Variants in CLEC16A observed in about 807,000 individuals in gnomAD.
The protein encoded by CLEC16A is C-type lectin domain containing 16A.
A neutral mutation model predicts 109.5 loss-of-function variants in CLEC16A; 51 were observed. That is an observed-to-expected ratio of 0.47 (90% CI 0.37 to 0.59). The LOEUF (loss-of-function observed/expected upper bound fraction) is 0.59, where lower values mean the gene tolerates loss of function less well. Ranked by LOEUF, CLEC16A falls within the 20% of genes least tolerant of loss-of-function variation. The probability of loss-of-function intolerance (pLI) is 0.00; values close to 1 mark genes in which losing one functional copy is unlikely to be tolerated. For synonymous variants in CLEC16A, 673 were observed against 564.2 expected (o/e 1.19, Z -2.73); for missense variants, 1,339 against 1,394.0 (o/e 0.96, Z 0.63).
At chr16:11,153,383 C>T (rs1437367883) in intron 22 of CLEC16A, among the ~76,000 whole-genome samples, 2 of 151,952 alleles carry the variant, frequency 1.3e-5, no homozygotes, top group Non-Finnish European at 2.9e-5. Flanking sequence ...CCCTGGAGCA[C>T]TTGTGAGGAG....
At chr16:11,083,148 GTTGTTTGT>G (rs144974456) in intron 19 of CLEC16A, among the ~76,000 whole-genome samples, 135 of 147,544 alleles carry the variant, frequency 9.1e-4, no homozygotes, top group African/African-American at 2.7e-3. Context: ...TGTTGTTGTT[GTTGTTTGT>G]TTGTTTGTTT....
At chr16:11,157,357 C>A (rs2054572740) in intron 22 of CLEC16A, 1 of 462,024 alleles carries the variant, frequency 2.2e-6, no homozygotes, top group Non-Finnish European at 3.1e-6. Context: ...CTGGGCTGGA[C>A]AGGAAGTGGC....
intron 16 of CLEC16A, among the ~76,000 whole-genome samples, chr16:11,046,473 T>G (rs111297473): frequency 0.012 from 1,857 of 150,462 alleles, 48 homozygotes; most frequent in African/African-American, 0.042. Flanking sequence ...AAGTGTGGGG[T>G]GTGTGTGTGT....
At chr16:11,171,795 T>C (rs1441420619) in intron 23 of CLEC16A, among the ~76,000 whole-genome samples, 1 of 152,072 alleles carries the variant, frequency 6.6e-6, no homozygotes, top group Non-Finnish European at 1.5e-5. Flanking sequence ...CACATGCCAA[T>C]GCGCATGTTC....
intron 19 of CLEC16A, among the ~76,000 whole-genome samples, chr16:11,103,996 T>G (rs958406510): frequency 6.6e-6 from 1 of 152,122 alleles, no homozygotes; most frequent in East Asian, 1.9e-4. Context: ...CCAGAAGAGC[T>G]CCTTGAGGTC....
intron 2 of CLEC16A, 137 bp downstream of exon 2, chr16:10,958,047 C>G: frequency 2.9e-6 from 2 of 690,592 alleles, no homozygotes; most frequent in African/African-American, 2.0e-5. Flanking sequence ...CTCTGTCTAG[C>G]TGTAAAAAAA....
At chr16:11,077,844 C>T (rs768305878) in intron 19 of CLEC16A, among the ~76,000 whole-genome samples, 1 of 151,890 alleles carries the variant, frequency 6.6e-6, no homozygotes, top group East Asian at 1.9e-4. Context: ...TATGGCTAGG[C>T]GCGGTGGCTC....
intron 19 of CLEC16A, among the ~76,000 whole-genome samples, chr16:11,068,194 G>A (rs2048871039): frequency 6.6e-6 from 1 of 152,188 alleles, no homozygotes; most frequent in African/African-American, 2.4e-5. Context: ...TTGATCAAAT[G>A]AGAACAGCGA....
intron 13 of CLEC16A, among the ~76,000 whole-genome samples, chr16:11,031,027 A>G (rs143207612): frequency 1.3e-5 from 2 of 152,292 alleles, no homozygotes; most frequent in African/African-American, 4.8e-5. Flanking sequence ...GATGTTTTTT[A>G]ATCTCCATGA....
At position 11,039,931 on chromosome 16, in the gene CLEC16A, C is replaced by T. The variant is rs530955560; in HGVS notation, c.1660+55C>T. 3.8e-6 allele frequency: 6 copies of T among 1,580,644 alleles called. 1 individual carries two copies. In the South Asian group the frequency reaches 5.8e-5, roughly 15 times the overall value. On this transcript the variant is annotated intron_variant, in intron 14 of 23. Transcript: ENST00000409790. ...GGGCCACGCAGTTGTAGGAAGCAGA[C>T]CCCACTGGGAGCCTGAGCCCTGGGT...
chr16:10,960,910 C>T (rs1169194964), intron 2 of CLEC16A, among the ~76,000 whole-genome samples: 1 of 152,154 alleles, frequency 6.6e-6, no homozygotes, highest in Non-Finnish European at 1.5e-5. Flanking sequence ...TGCTCTCTTC[C>T]TTTTGTTTTT....
At chr16:11,157,305 C>A in intron 22 of CLEC16A, 6 of 1,055,936 alleles carry the variant, frequency 5.7e-6, no homozygotes, top group Non-Finnish European at 7.2e-6. Flanking sequence ...GGAGGCCATA[C>A]GAACATCCCT....
intron 20 of CLEC16A, among the ~76,000 whole-genome samples, chr16:11,122,058 A>C (rs2153028118): frequency 6.6e-6 from 1 of 151,068 alleles, no homozygotes; most frequent in Admixed American, 6.6e-5. Context: ...ACTTTGCCCT[A>C]CTTCAAGGCA....
rs1366471211 is a variant in CLEC16A, at chr16:11,020,229, C to T, written c.1340C>T (p.Ser447Leu). The change falls in exon 12 of 24, where the codon TCA (serine) becomes TTA (leucine). Residue 447 changes from serine to leucine, a missense_variant. By Grantham distance (145) the Ser-to-Leu change is moderately radical. This residue lies in a region of CLEC16A where 1,061 missense variants were observed against 1,006.8 expected (regional missense o/e 1.05). Transcript: ENST00000409790. ...GTGATCATGGAGCGTAGCAAGCTCT[C>T]AGAGCTGGCCGCCAGCACCTCCGTG... ...EMVIMERSKL[S>L]ELAASTSVQE... 1.9e-6 allele frequency: 3 copies of T among 1,613,742 alleles called. No homozygotes were observed. The highest frequency in any genetic ancestry group is 2.5e-6 in the Non-Finnish European group (3 of 1,179,730).
chr16:10,992,652 A>C (rs112469260), intron 10 of CLEC16A, among the ~76,000 whole-genome samples: 101 of 152,210 alleles, frequency 6.6e-4, no homozygotes, highest in African/African-American at 2.3e-3. Flanking sequence ...AATGTGCTCC[A>C]TCTGTGAGGC....
intron 4 of CLEC16A, 128 bp downstream of exon 4, chr16:10,969,437 T>C (rs1277864929): frequency 4.9e-6 from 3 of 608,186 alleles, no homozygotes; most frequent in Admixed American, 4.0e-5. Flanking sequence ...ATGCTTGTTA[T>C]GATTTTCATG....
intron 1 of CLEC16A, among the ~76,000 whole-genome samples, chr16:10,948,029 G>A (rs1231893387): frequency 2.0e-5 from 3 of 152,038 alleles, no homozygotes; most frequent in Non-Finnish European, 4.4e-5. Flanking sequence ...GAGTAGCTGG[G>A]ACTACAGGCG....
chr16:11,051,234 G>T (rs143647923), intron 17 of CLEC16A, among the ~76,000 whole-genome samples: 1 of 152,210 alleles, frequency 6.6e-6, no homozygotes, highest in Admixed American at 6.5e-5. Flanking sequence ...GAGAGAATGC[G>T]AAGAGGAGCA....
intron 10 of CLEC16A, among the ~76,000 whole-genome samples, chr16:10,993,334 A>C (rs1329131416): frequency 6.6e-6 from 1 of 152,134 alleles, no homozygotes. Flanking sequence ...AGCCATGATC[A>C]CACCACTGCA....
Sources: gnomAD v4.1 joint callset for allele counts (sites outside exome capture counted in the v4.1 genomes callset) on GRCh38, gnomAD v4.1.1 for gene constraint, gnomAD v4.1.1 regional missense constraint, MANE v1.5 for transcripts, NCBI Gene and HGNC (gene_info 2026-07-23, HGNC 2026-07-21) for gene names.